PTTG1IP: variants seen among roughly 807,000 people sequenced by gnomAD.
PTTG1IP encodes the protein pituitary tumor-transforming gene 1 protein-interacting protein.
PTTG1IP carries 16 observed loss-of-function variants against 24.4 expected under a neutral mutation model. The ratio of observed to expected loss-of-function variants is 0.66; its 90% CI spans 0.44 to 1.00. The LOEUF is 1.00. PTTG1IP is among the 50% of genes least tolerant of loss of function. The probability of loss-of-function intolerance (pLI) is 0.00; values close to 1 mark genes in which losing one functional copy is unlikely to be tolerated. For synonymous variants in PTTG1IP, 89 were observed against 96.8 expected (o/e 0.92, Z 0.47); for missense variants, 241 against 245.8 (o/e 0.98, Z 0.13).
At chr21:44,857,524 T>C (rs1001599273) in intron 3 of PTTG1IP, among the ~76,000 whole-genome samples, 3 of 152,224 alleles carry the variant, frequency 2.0e-5, no homozygotes, top group African/African-American at 2.4e-5. Context: ...CTCCTGAAGA[T>C]GGCTTTATAA....
chr21:44,858,280 G>C (rs1470895051), intron 3 of PTTG1IP, among the ~76,000 whole-genome samples: 1 of 152,234 alleles, frequency 6.6e-6, no homozygotes, highest in Non-Finnish European at 1.5e-5. Flanking sequence ...ATGGTTCTAA[G>C]GTTACCTGTA....
intron 3 of PTTG1IP, among the ~76,000 whole-genome samples, chr21:44,857,978 A>ATT: frequency 6.6e-6 from 1 of 152,342 alleles, no homozygotes; most frequent in African/African-American, 2.4e-5. Flanking sequence ...TGGCCTTAAA[A>ATT]CATATCTACC....
rs2083609960 is a variant in PTTG1IP, at chr21:44,873,673, G to C, written c.-57C>G. 4 of 1,307,184 alleles carry C rather than the reference G, an allele frequency of 3.1e-6. No homozygotes were observed. Among genetic ancestry groups the C allele is most frequent in the Non-Finnish European group, 3.9e-6 (4 of 1,024,002 alleles). 81.0% of individuals were successfully genotyped at this position (1,307,184 alleles called of 1,614,324 possible). On this transcript the variant is annotated 5_prime_UTR_variant, in exon 1 of 6. Coordinates refer to ENST00000330938, the MANE Select transcript of PTTG1IP (RefSeq NM_004339.4). Reference sequence around the variant, plus strand: ...CGTTACAACTCCGACTCCAGCACAAGCGGTCTCCGCCCGGAACAGCCGCGG... The same window carrying C: ...CGTTACAACTCCGACTCCAGCACAACCGGTCTCCGCCCGGAACAGCCGCGG...
At chr21:44,861,942 C>A in intron 2 of PTTG1IP, 1 of 687,746 alleles carries the variant, frequency 1.5e-6, no homozygotes. Context: ...CTAAGTCGCA[C>A]AGCTTGAAAG....
chr21:44,866,706 A>ACAC (rs2083544721), intron 1 of PTTG1IP, among the ~76,000 whole-genome samples: 1 of 135,918 alleles, frequency 7.4e-6, no homozygotes, highest in Non-Finnish European at 1.6e-5. Flanking sequence ...CACACACACA[A>ACAC]ACACAGTGCA....
At chr21:44,854,113 C>T (rs1053783177) in intron 5 of PTTG1IP, among the ~76,000 whole-genome samples, 2 of 152,208 alleles carry the variant, frequency 1.3e-5, no homozygotes, top group Non-Finnish European at 1.5e-5. Context: ...CTGCACCTGA[C>T]GGAGGCGCCG....
chr21:44,859,457 G>C (rs1448613885), intron 3 of PTTG1IP, among the ~76,000 whole-genome samples: 1 of 151,810 alleles, frequency 6.6e-6, no homozygotes, highest in South Asian at 2.1e-4. Flanking sequence ...GCATTATGTA[G>C]GCTATAAACT....
intron 1 of PTTG1IP, 188 bp from the exon 2 acceptor site, chr21:44,865,635 G>A: frequency 1.5e-6 from 1 of 648,704 alleles, no homozygotes; most frequent in Non-Finnish European, 2.8e-6. Flanking sequence ...TGTGGAACGA[G>A]TGTTCAGGAA....
At chr21:44,857,893 A>G (rs1186326780) in intron 3 of PTTG1IP, among the ~76,000 whole-genome samples, 1 of 152,256 alleles carries the variant, frequency 6.6e-6, no homozygotes, top group Non-Finnish European at 1.5e-5. Context: ...AAGAGGGAGA[A>G]CTACAGAGGG....
chr21:44,857,845 G>T lies in PTTG1IP; in HGVS notation c.278-1481C>A, dbSNP rs576103123. ...TTAATCCTGTGTTTTTTCCTCCTCT[G>T]ACCTGTTCTGGAAGCGTAGAATTGC... On this transcript the variant is annotated intron_variant, in intron 3 of 5. Coordinates refer to ENST00000330938, the MANE Select transcript of PTTG1IP (RefSeq NM_004339.4). Among the ~76,000 whole-genome samples the T allele has an allele frequency of 7.2e-5, 11 of 152,290 alleles. No individual in the cohort carries two copies. The South Asian group carries it at 2.1e-3, about 29-fold the overall frequency.
intron 4 of PTTG1IP, 43 bp downstream of exon 4, chr21:44,856,150 C>A (rs1261076290): frequency 1.2e-6 from 2 of 1,613,626 alleles, no homozygotes; most frequent in East Asian, 2.2e-5. Context: ...AGATCTGAAT[C>A]CCCTCGAAGT....
At chr21:44,858,818 A>G (rs556406220) in intron 3 of PTTG1IP, among the ~76,000 whole-genome samples, 1 of 152,240 alleles carries the variant, frequency 6.6e-6, no homozygotes, top group South Asian at 2.1e-4. Context: ...TGAGAAGCAC[A>G]AGACACCACT....
At chr21:44,851,715 A>T (rs766693972) in intron 5 of PTTG1IP, 88 bp from the exon 6 acceptor site, 6 of 1,451,106 alleles carry the variant, frequency 4.1e-6, no homozygotes, top group Non-Finnish European at 4.7e-6. Flanking sequence ...CTTTATAAGA[A>T]GATTTACTGA....
At chr21:44,856,552 G>A (rs529990947) in intron 3 of PTTG1IP, among the ~76,000 whole-genome samples, 188 bp from the exon 4 acceptor site, 9 of 152,244 alleles carry the variant, frequency 5.9e-5, no homozygotes, top group African/African-American at 2.2e-4. Context: ...ACAGGGTCCC[G>A]CCCTCTCCAA....
At chr21:44,863,967 C>T (rs1569325276) in intron 2 of PTTG1IP, among the ~76,000 whole-genome samples, 4 of 150,502 alleles carry the variant, frequency 2.7e-5, no homozygotes, top group Non-Finnish European at 5.9e-5. Context: ...CCTCCTCAAA[C>T]CTACGCTACG....
intron 3 of PTTG1IP, among the ~76,000 whole-genome samples, chr21:44,859,144 G>A (rs974153858): frequency 7.2e-5 from 11 of 152,142 alleles, no homozygotes; most frequent in Admixed American, 5.9e-4. Flanking sequence ...AAAGATAACT[G>A]GTGCAGGCAA....
At chr21:44,859,495 A>G (rs775763672) in intron 3 of PTTG1IP, among the ~76,000 whole-genome samples, 9 of 152,218 alleles carry the variant, frequency 5.9e-5, no homozygotes, top group Non-Finnish European at 7.3e-5. Flanking sequence ...ACATGTGTGC[A>G]TTATGTAGGC....
In PTTG1IP at chr21:44,856,366, T is replaced by C; in HGVS notation, c.278-2A>G. On this transcript the variant is annotated splice_acceptor_variant, in intron 3 of 5. Transcript: ENST00000330938. LOFTEE classifies it high-confidence loss of function. ...TGATGATCAGCGCCTCAAAGTTCAC[T>C]GGAGATTCAAGCACCTGGAGTTAGG... is the stretch of plus-strand genomic sequence containing the variant. 6.2e-7 allele frequency: 1 copy of C among 1,608,762 alleles called. No individual in the cohort carries two copies. Among genetic ancestry groups the C allele is most frequent in the Non-Finnish European group, 8.5e-7 (1 of 1,176,436 alleles).
At chr21:44,862,020 T>C in intron 2 of PTTG1IP, 2 of 605,378 alleles carry the variant, frequency 3.3e-6, no homozygotes, top group East Asian at 2.8e-5. Flanking sequence ...CGCTCTTGTC[T>C]GAGCCCCTTG....
Sources: allele counts gnomAD v4.1 joint callset (sites outside exome capture counted in the v4.1 genomes callset), GRCh38; gene constraint gnomAD v4.1.1; transcripts MANE v1.5; gene names NCBI Gene and HGNC (gene_info 2026-07-23, HGNC 2026-07-21).